Variants in GPR149 observed in about 807,000 individuals in gnomAD.
GPR149 encodes the protein probable G protein-coupled receptor 149.
GPR149 carries 50 observed loss-of-function variants against 50.2 expected under a neutral mutation model. That is an observed-to-expected ratio of 1.00 (90% CI 0.79 to 1.26). GPR149 has a LOEUF of 1.26. GPR149 is among the 50% of genes most tolerant of loss of function. The pLI, the probability that GPR149 is intolerant of heterozygous loss-of-function variation, is 0.00. For synonymous variants in GPR149, 405 were observed against 358.2 expected (o/e 1.13, Z -1.48); for missense variants, 983 against 895.4 (o/e 1.10, Z -1.25).
chr3:154,393,335 A>G (rs896585702), intron 3 of GPR149, among the ~76,000 whole-genome samples: 2 of 152,060 alleles, frequency 1.3e-5, no homozygotes, highest in African/African-American at 4.8e-5. Context: ...TAAGAACCAC[A>G]TGATCTTAAT....
intron 3 of GPR149, among the ~76,000 whole-genome samples, chr3:154,403,702 C>T (rs573740924): frequency 1.8e-4 from 27 of 152,158 alleles, no homozygotes; most frequent in African/African-American, 6.3e-4. Flanking sequence ...AATACAATTC[C>T]GCATGTGGTA....
At chr3:154,356,163 A>T (rs946184536) in intron 3 of GPR149, among the ~76,000 whole-genome samples, 3 of 152,176 alleles carry the variant, frequency 2.0e-5, no homozygotes, top group Non-Finnish European at 2.9e-5. Context: ...ACTTACTAGA[A>T]ATCATTCACT....
Position 154,337,934 on chromosome 3 carries a change from T to A in GPR149, c.1961A>T (p.Tyr654Phe). 1.9e-6 allele frequency: 3 copies of A among 1,613,046 alleles called. No individual in the cohort carries two copies. The highest frequency in any genetic ancestry group is 2.5e-6 in the Non-Finnish European group (3 of 1,179,380). Reference sequence around the variant, plus strand: ...AACAAATCTGTTTTCTTTCCTGGAGTAACGTAGGGATGGAGATCTGACTTG... The same window carrying A: ...AACAAATCTGTTTTCTTTCCTGGAGAAACGTAGGGATGGAGATCTGACTTG... ...STQVRSPSLR[Y>F]SRKENRFVSC... is the part of the protein sequence containing the mutation. Residue 654 changes from tyrosine to phenylalanine, a missense_variant, in exon 4 of 4, where the codon TAC becomes TTC. By Grantham distance (22) the Tyr-to-Phe change is conservative. Transcript: ENST00000389740.
At position 154,430,061 on chromosome 3, in the gene GPR149, T is replaced by C. The variant is rs1712440539; in HGVS notation, c.-446A>G. Among the ~76,000 whole-genome samples the C allele has an allele frequency of 6.6e-6, 1 of 151,902 alleles. No homozygotes were observed. The highest frequency in any genetic ancestry group is 2.4e-5 in the African/African-American group (1 of 41,346). On this transcript the variant is annotated 5_prime_UTR_variant, in exon 1 of 4. An upstream start codon of the reference 5' UTR is lost. Coordinates refer to ENST00000389740, the MANE Select transcript of GPR149 (RefSeq NM_001038705.3). ...CTTTTAAGAGCAGTAAAATGATGCA[T>C]TTGGTTCCAGAGCTGGATTCAAAGG... is the stretch of plus-strand genomic sequence containing the variant.
chr3:154,353,969 C>A (rs929892981), intron 3 of GPR149: 1 of 480,134 alleles, frequency 2.1e-6, no homozygotes, highest in Admixed American at 3.1e-5. Context: ...TTTATTATCA[C>A]TTGATTTATG....
chr3:154,353,566 G>A, intron 3 of GPR149: 1 of 1,014,608 alleles, frequency 9.9e-7, no homozygotes, highest in South Asian at 1.3e-5. Context: ...ATACCATTTT[G>A]CATATGATTA....
At chr3:154,365,503 T>C (rs765430007) in intron 3 of GPR149, among the ~76,000 whole-genome samples, 1 of 152,212 alleles carries the variant, frequency 6.6e-6, no homozygotes, top group African/African-American at 2.4e-5. Flanking sequence ...TTGTTCTTTA[T>C]ATAACCAAGC....
chr3:154,382,812 T>C (rs1407458865), intron 3 of GPR149, among the ~76,000 whole-genome samples: 1 of 152,218 alleles, frequency 6.6e-6, no homozygotes, highest in Non-Finnish European at 1.5e-5. Context: ...TAATTTAATA[T>C]ACTCAAAATA....
chr3:154,367,445 G>A (rs766544430), intron 3 of GPR149, among the ~76,000 whole-genome samples: 20 of 151,844 alleles, frequency 1.3e-4, no homozygotes, highest in Admixed American at 4.6e-4. Flanking sequence ...GTTAAGTCCT[G>A]TGAGATCCTG....
chr3:154,384,807 G>A (rs553534449), intron 3 of GPR149, among the ~76,000 whole-genome samples: 30 of 152,310 alleles, frequency 2.0e-4, no homozygotes, highest in Middle Eastern at 3.4e-3. Flanking sequence ...AGCTAATTTA[G>A]GGCTTGTCAT....
At position 154,428,796 on chromosome 3, in the gene GPR149, C is replaced by G. The variant is rs1239937857; in HGVS notation, c.820G>C (p.Val274Leu). The G allele has an allele frequency of 6.2e-7, 1 of 1,613,864 alleles. No homozygotes were observed. Among genetic ancestry groups the G allele is most frequent in the Non-Finnish European group, 8.5e-7 (1 of 1,180,012 alleles). Residue 274 changes from valine (V) to leucine (L), a missense_variant, in exon 1 of 4, where the codon GTG becomes CTG. Coordinates refer to ENST00000389740, the MANE Select transcript of GPR149 (RefSeq NM_001038705.3). ...GCAGCGGGCGCACCCGGTCCGAACACGGTGTCGGAGCTCGGAGAGCATCCC... is the reference window on the plus strand; with the variant it reads ...GCAGCGGGCGCACCCGGTCCGAACAGGGTGTCGGAGCTCGGAGAGCATCCC... The part of the protein sequence containing the change: ...SGGCSPSSDT[V>L]FGPGAPAAAG...
chr3:154,347,666 C>G (rs701135), intron 3 of GPR149, among the ~76,000 whole-genome samples: 138,005 of 152,334 alleles, frequency 0.91, 62,749 homozygotes, highest in East Asian at 1. Flanking sequence ...TATGTGAAGA[C>G]ATTAACTAAC....
chr3:154,345,134 T>C (rs1190303306), intron 3 of GPR149, among the ~76,000 whole-genome samples: 1 of 152,172 alleles, frequency 6.6e-6, no homozygotes, highest in Non-Finnish European at 1.5e-5. Context: ...TCAAAAATAT[T>C]TGTTGAATGG....
intron 3 of GPR149, among the ~76,000 whole-genome samples, chr3:154,356,862 C>T (rs1171539472): frequency 6.6e-6 from 1 of 152,110 alleles, no homozygotes; most frequent in African/African-American, 2.4e-5. Flanking sequence ...AAAAAAGGGC[C>T]CGCATCGCCA....
chr3:154,338,041 G>A lies in GPR149; in HGVS notation c.1854C>T (p.His618=). The change falls in exon 4 of 4, where the codon CAC becomes CAT. Residue 618 remains histidine, a synonymous_variant. Transcript: ENST00000389740. ...TATCACAAATTTCAAGAACCTCCAAGTGTATTTTCACACTGGTGTCCACAA... is the reference window on the plus strand; with the variant it reads ...TATCACAAATTTCAAGAACCTCCAAATGTATTTTCACACTGGTGTCCACAA... ...STFVDTSVKI[H]LEVLEICDNE... is the part of the protein sequence containing the mutation. 2.5e-6 allele frequency: 4 copies of A among 1,614,178 alleles called. No homozygotes were observed. The highest frequency in any genetic ancestry group is 3.4e-6 in the Non-Finnish European group (4 of 1,180,020).
chr3:154,341,557 T>C (rs1387920236), intron 3 of GPR149, among the ~76,000 whole-genome samples: 2 of 151,508 alleles, frequency 1.3e-5, no homozygotes, highest in Non-Finnish European at 2.9e-5. Flanking sequence ...TGTGAGACCT[T>C]ATGAAGAAAA....
At chr3:154,398,524 T>A (rs1428835652) in intron 3 of GPR149, among the ~76,000 whole-genome samples, 3 of 152,178 alleles carry the variant, frequency 2.0e-5, no homozygotes, top group Admixed American at 2.0e-4. Context: ...GCATCTGAAT[T>A]GAAACCATTG....
intron 3 of GPR149, among the ~76,000 whole-genome samples, chr3:154,378,960 G>GTTTTTTTTTT (rs1233646436): frequency 1.6e-4 from 3 of 18,282 alleles, no homozygotes; most frequent in African/African-American, 2.9e-4. Context: ...TCCTTTATCG[G>GTTTTTTTTTT]CCGGGCGCGG....
chr3:154,356,728 A>G (rs1714237001), intron 3 of GPR149, among the ~76,000 whole-genome samples: 2 of 152,192 alleles, frequency 1.3e-5, no homozygotes, highest in Admixed American at 1.3e-4. Context: ...GGTAGGAAGA[A>G]TCAATATTGT....
Sources: allele counts gnomAD v4.1 joint callset (sites outside exome capture counted in the v4.1 genomes callset), GRCh38; gene constraint gnomAD v4.1.1; transcripts MANE v1.5; gene names NCBI Gene and HGNC (gene_info 2026-07-23, HGNC 2026-07-21).